LRRC28: variants seen among roughly 807,000 people sequenced by gnomAD.
The protein encoded by LRRC28 is leucine rich repeat containing 28, also known as leucine-rich repeat-containing protein 28.
A neutral mutation model predicts 45.7 loss-of-function variants in LRRC28; 39 were observed. That is an observed-to-expected ratio of 0.85 (90% CI 0.66 to 1.12). The LOEUF is 1.12. Ranked by LOEUF, LRRC28 falls within the 50% of genes most tolerant of loss-of-function variation. The probability of loss-of-function intolerance (pLI) is 0.00; values close to 1 mark genes in which losing one functional copy is unlikely to be tolerated. For missense variants in LRRC28, 435 were observed against 438.5 expected (o/e 0.99, Z 0.07); for synonymous variants, 206 against 178.8 (o/e 1.15, Z -1.22).
intron 5 of LRRC28, among the ~76,000 whole-genome samples, chr15:99,331,217 T>C (rs561460086): frequency 1.5e-4 from 23 of 152,334 alleles, no homozygotes; most frequent in Non-Finnish European, 2.8e-4. Context: ...CTTGCTGCCA[T>C]GTAAATTTTG....
At position 99,385,080 on chromosome 15, in the gene LRRC28, G is replaced by A. The variant is rs867236609; in HGVS notation, c.1032-950G>A. The stretch of plus-strand genomic sequence containing the variant: ...AAGGGAGCTCTCTCTGGAGCCTGGC[G>A]AGAACCAGAGGTAGCAAAGGGGGCC... On this transcript the variant is annotated intron_variant, in intron 9 of 9. Coordinates refer to ENST00000301981, the MANE Select transcript of LRRC28 (RefSeq NM_144598.5). 9.8e-5 allele frequency among the ~76,000 whole-genome samples: 15 copies of A among 152,290 alleles called. 1 individual carries two copies. Among genetic ancestry groups the A allele is most frequent in the East Asian group, 9.6e-4 (5 of 5,188 alleles).
At chr15:99,343,680 T>C (rs1040510381) in intron 6 of LRRC28, among the ~76,000 whole-genome samples, 5 of 152,196 alleles carry the variant, frequency 3.3e-5, no homozygotes, top group Non-Finnish European at 7.3e-5. Flanking sequence ...TTTAAAAATA[T>C]TATTGCGTGA....
intron 2 of LRRC28, among the ~76,000 whole-genome samples, chr15:99,268,550 G>C (rs2081390770): frequency 6.6e-6 from 1 of 152,328 alleles, no homozygotes; most frequent in Non-Finnish European, 1.5e-5. Flanking sequence ...AGGCACCTGT[G>C]TACTGGAAGT....
At position 99,256,096 on chromosome 15, in the gene LRRC28, T is replaced by C; in HGVS notation, c.139T>C (p.Tyr47His). ...GGGACTGCAGTACTTGGAGAGACTC[T>C]ATATGAAAAGGAACTCCCTGACATC... ...DEGLQYLERL[Y>H]MKRNSLTSLP... The change falls in exon 2 of 10, where the codon TAT becomes CAT. Residue 47 changes from tyrosine (Y) to histidine (H), a missense_variant. Transcript: ENST00000301981. 1 of 1,611,580 alleles carries C rather than the reference T, an allele frequency of 6.2e-7. No homozygotes were observed. Among genetic ancestry groups the C allele is most frequent in the South Asian group, 1.1e-5 (1 of 90,626 alleles).
At chr15:99,354,483 G>T (rs1221480837) in intron 7 of LRRC28, among the ~76,000 whole-genome samples, 1 of 152,180 alleles carries the variant, frequency 6.6e-6, no homozygotes, top group Non-Finnish European at 1.5e-5. Context: ...AGTAGCACAA[G>T]GGCCTGGGGG....
chr15:99,352,480 G>T lies in LRRC28; in HGVS notation c.695+9G>T, dbSNP rs182994734. 1.3e-6 allele frequency: 2 copies of T among 1,595,926 alleles called. No individual in the cohort carries two copies. The highest frequency in any genetic ancestry group is 1.7e-6 in the Non-Finnish European group (2 of 1,169,422). ...GTCATCGGGTGCAGTGGGTAAGGCC[G>T]ATTTCACATTTTGAACTAAAAAATA... On this transcript the variant is annotated intron_variant, in intron 7 of 9. Coordinates refer to ENST00000301981, the MANE Select transcript of LRRC28 (RefSeq NM_144598.5).
chr15:99,275,065 G>A (rs1266709374), intron 2 of LRRC28, among the ~76,000 whole-genome samples: 2 of 151,994 alleles, frequency 1.3e-5, no homozygotes, highest in African/African-American at 2.4e-5. Flanking sequence ...CTTTCTTTTC[G>A]TATGTGTAAA....
At chr15:99,329,414 T>G (rs1597358480) in intron 5 of LRRC28, among the ~76,000 whole-genome samples, 1 of 152,216 alleles carries the variant, frequency 6.6e-6, no homozygotes, top group East Asian at 1.9e-4. Context: ...TTTTCAGTGG[T>G]GTACAACTTC....
chr15:99,320,347 A>G (rs1955752017), intron 5 of LRRC28, among the ~76,000 whole-genome samples: 2 of 152,184 alleles, frequency 1.3e-5, no homozygotes, highest in Admixed American at 6.5e-5. Context: ...AAAGTTATGA[A>G]TATATAGCAA....
At chr15:99,321,040 A>C (rs182365593) in intron 5 of LRRC28, among the ~76,000 whole-genome samples, 2 of 152,266 alleles carry the variant, frequency 1.3e-5, no homozygotes, top group Admixed American at 1.3e-4. Context: ...AATCTTGTTT[A>C]AACATGAAAA....
At chr15:99,333,843 A>G (rs1297159826) in intron 5 of LRRC28, 80 bp from the exon 6 acceptor site, 1 of 1,403,594 alleles carries the variant, frequency 7.1e-7, no homozygotes, top group East Asian at 2.3e-5. Flanking sequence ...TCATTTGGTT[A>G]AACTGTTATA....
intron 9 of LRRC28, among the ~76,000 whole-genome samples, chr15:99,381,522 T>G (rs1033454316): frequency 6.6e-6 from 1 of 152,262 alleles, no homozygotes; most frequent in Non-Finnish European, 1.5e-5. Context: ...GAAGCCTTCT[T>G]CTCTCAACTC....
chr15:99,314,293 A>G (rs1955514909), intron 5 of LRRC28, among the ~76,000 whole-genome samples: 2 of 151,944 alleles, frequency 1.3e-5, no homozygotes, highest in Admixed American at 6.6e-5. Flanking sequence ...AAAGATTAGC[A>G]AGGAAATGGT....
chr15:99,318,166 A>G (rs1659296308), intron 5 of LRRC28, among the ~76,000 whole-genome samples: 1 of 152,200 alleles, frequency 6.6e-6, no homozygotes, highest in Non-Finnish European at 1.5e-5. Flanking sequence ...ATAATGACAG[A>G]ACTTGTGAGA....
At position 99,390,023 on chromosome 15, in the gene LRRC28, CAGG is replaced by C. The variant is rs1441532835; in HGVS notation, c.*3924_*3926del. On this transcript the variant is annotated 3_prime_UTR_variant, in exon 10 of 10. Transcript: ENST00000301981. ...GTCCCAGCTACTCGGGAGGCTGAGG[CAGG>C]AGAATTGCTTGAACCCGGCAGGAAG... is the stretch of plus-strand genomic sequence containing the variant. 3.3e-5 allele frequency: 5 copies of C among 152,440 alleles called. No homozygotes were observed. The highest frequency in any genetic ancestry group is 7.3e-5 in the Non-Finnish European group (5 of 68,324). The allele number at this position is 152,440 out of a possible 1,614,324, so 9.4% of individuals were successfully genotyped here. A position where few individuals can be genotyped will look rare whatever the true frequency, so the allele number is the denominator to read the frequency against.
chr15:99,339,369 A>G (rs2152301345), intron 6 of LRRC28, among the ~76,000 whole-genome samples: 1 of 152,364 alleles, frequency 6.6e-6, no homozygotes, highest in East Asian at 1.9e-4. Context: ...TCTGTAGTTT[A>G]AGAAAACAAG....
chr15:99,370,233 A>G (rs1957445843), intron 9 of LRRC28, among the ~76,000 whole-genome samples: 3 of 152,258 alleles, frequency 2.0e-5, no homozygotes, highest in African/African-American at 7.2e-5. Context: ...GGACCAGCAT[A>G]TTAGCATAGA....
At chr15:99,329,455 T>G (rs1015612578) in intron 5 of LRRC28, among the ~76,000 whole-genome samples, 4 of 152,238 alleles carry the variant, frequency 2.6e-5, no homozygotes, top group African/African-American at 9.6e-5. Context: ...CACTTTGTTA[T>G]GCTGAGCATT....
intron 5 of LRRC28, among the ~76,000 whole-genome samples, chr15:99,327,861 C>T (rs1043080817): frequency 5.9e-5 from 9 of 152,068 alleles, no homozygotes; most frequent in African/African-American, 2.2e-4. Context: ...CTTTAAATCT[C>T]CCACTAATCA....
Sources: allele counts gnomAD v4.1 joint callset (sites outside exome capture counted in the v4.1 genomes callset), GRCh38; gene constraint gnomAD v4.1.1; transcripts MANE v1.5; gene names NCBI Gene and HGNC (gene_info 2026-07-23, HGNC 2026-07-21).